The following ABLIM1 variants were observed in gnomAD, a reference collection of about 807,000 sequenced individuals.
The protein encoded by ABLIM1 is actin-binding LIM protein 1.
A neutral mutation model predicts 107.0 loss-of-function variants in ABLIM1; 40 were observed. That is an observed-to-expected ratio of 0.37 (90% CI 0.29 to 0.49). The LOEUF (loss-of-function observed/expected upper bound fraction) is 0.49, where lower values mean the gene tolerates loss of function less well. Ranked by LOEUF, ABLIM1 falls within the 20% of genes least tolerant of loss-of-function variation. ABLIM1 has a pLI of 0.97. For synonymous variants in ABLIM1, 357 were observed against 357.3 expected (o/e 1.00, Z 0.01); for missense variants, 857 against 1,008.5 (o/e 0.85, Z 2.04).
At chr10:114,798,557 C>CCA in the ABLIM1 span, among the ~76,000 whole-genome samples, 4 of 30,014 alleles carry the variant, frequency 1.3e-4, no homozygotes, top group South Asian at 3.7e-3. Context: ...GATGATGAGA[C>CCA]CCCCCCCCCA....
chr10:114,756,049 T>G (rs1331793010), intron 1 of ABLIM1, among the ~76,000 whole-genome samples: 2 of 150,558 alleles, frequency 1.3e-5, no homozygotes, highest in Non-Finnish European at 2.9e-5. Flanking sequence ...AATACTTAAT[T>G]ATTTAATCCA....
intron 17 of ABLIM1, among the ~76,000 whole-genome samples, 198 bp from the exon 18 acceptor site, chr10:114,441,984 A>G (rs2060262098): frequency 6.6e-6 from 1 of 152,114 alleles, no homozygotes; most frequent in African/African-American, 2.4e-5. Context: ...AGGGAAGGGA[A>G]AGTCAAGTCC....
intron 6 of ABLIM1, among the ~76,000 whole-genome samples, chr10:114,530,083 T>C (rs1458245247): frequency 1.3e-5 from 2 of 152,132 alleles, no homozygotes; most frequent in Non-Finnish European, 2.9e-5. Context: ...GTGTTTGAAG[T>C]GATGGAAATG....
At chr10:114,552,405 T>G (rs148100853) in intron 4 of ABLIM1, among the ~76,000 whole-genome samples, 1 of 150,246 alleles carries the variant, frequency 6.7e-6, no homozygotes, top group East Asian at 2.0e-4. Flanking sequence ...ACGTCAGAAG[T>G]AGGTGAATAT....
intron 6 of ABLIM1, among the ~76,000 whole-genome samples, chr10:114,503,880 C>G (rs1432820823): frequency 6.6e-6 from 1 of 152,190 alleles, no homozygotes; most frequent in East Asian, 1.9e-4. Context: ...TTCAATCCTC[C>G]TTTCATCTTC....
intron 1 of ABLIM1, among the ~76,000 whole-genome samples, chr10:114,722,129 T>C (rs76853214): frequency 0.036 from 5,429 of 152,224 alleles, 328 homozygotes; most frequent in African/African-American, 0.12. Context: ...TGATATAGTT[T>C]ATAAGGAAAG....
chr10:114,650,459 G>A (rs911070380), intron 1 of ABLIM1, among the ~76,000 whole-genome samples: 3 of 152,116 alleles, frequency 2.0e-5, no homozygotes, highest in African/African-American at 4.8e-5. Context: ...TAATTAAAAC[G>A]AATGGGGCAT....
At chr10:114,461,338 T>C (rs1181848476) in intron 12 of ABLIM1, among the ~76,000 whole-genome samples, 1 of 151,862 alleles carries the variant, frequency 6.6e-6, no homozygotes, top group Non-Finnish European at 1.5e-5. Context: ...AACCAAAATC[T>C]TAATTTGGCT....
rs540676948 is a variant in ABLIM1 at position 114,749,483 on chromosome 10, C to CACAT, written c.-213+18577_-213+18578insATGT. On this transcript the variant is annotated intron_variant, in intron 1 of 15. Coordinates refer to the ABLIM1 transcript ENST00000651092. ...ACACACACACACACACACACACACA[C>CACAT]ACCACAAAACCCAGAGATCACCAAA... Among the ~76,000 whole-genome samples, 92 of 150,702 alleles carry CACAT rather than the reference C, an allele frequency of 6.1e-4. 3 individuals are homozygous for CACAT. The South Asian group carries it at 0.018, about 30-fold the overall frequency.
chr10:114,732,021 A>G (rs1360743991), intron 1 of ABLIM1, among the ~76,000 whole-genome samples: 1 of 152,152 alleles, frequency 6.6e-6, no homozygotes, highest in African/African-American at 2.4e-5. Context: ...CTAAAGTGGC[A>G]CACTATTTTA....
chr10:114,460,620 A>C (rs912433252), intron 12 of ABLIM1, among the ~76,000 whole-genome samples: 7 of 152,128 alleles, frequency 4.6e-5, no homozygotes, highest in Admixed American at 2.0e-4. Flanking sequence ...AAAAAAAAGC[A>C]ATTTAAGAGC....
chr10:114,795,665 C>G, the ABLIM1 span, among the ~76,000 whole-genome samples: 1 of 149,924 alleles, frequency 6.7e-6, no homozygotes, highest in African/African-American at 2.5e-5. Flanking sequence ...GCTGAGATCA[C>G]ACCATTGTAC....
At chr10:114,768,009 C>A (rs879847147) in intron 1 of ABLIM1, 12 of 425,576 alleles carry the variant, frequency 2.8e-5, no homozygotes, top group South Asian at 2.0e-4. Context: ...CCCTCCCGCA[C>A]CTGTTCGGCC....
At chr10:114,732,473 C>G (rs1197525652) in intron 1 of ABLIM1, among the ~76,000 whole-genome samples, 1 of 151,490 alleles carries the variant, frequency 6.6e-6, no homozygotes, top group Non-Finnish European at 1.5e-5. Context: ...AAAAATAGAC[C>G]CTTATCAGAT....
At chr10:114,550,471 C>T (rs920783540) in intron 4 of ABLIM1, among the ~76,000 whole-genome samples, 1 of 151,968 alleles carries the variant, frequency 6.6e-6, no homozygotes, top group Non-Finnish European at 1.5e-5. Context: ...AACCCCAGTC[C>T]CTCCCCGTGC....
At chr10:114,548,202 T>C (rs2137674459) in intron 4 of ABLIM1, among the ~76,000 whole-genome samples, 1 of 152,330 alleles carries the variant, frequency 6.6e-6, no homozygotes, top group Non-Finnish European at 1.5e-5. Context: ...ACTATATACG[T>C]GATTACTCCT....
chr10:114,487,107 G>A (rs1476295194), intron 8 of ABLIM1, among the ~76,000 whole-genome samples: 1 of 152,200 alleles, frequency 6.6e-6, no homozygotes, highest in Non-Finnish European at 1.5e-5. Context: ...TGCTGCTGGG[G>A]ATTGCATACA....
intron 6 of ABLIM1, among the ~76,000 whole-genome samples, chr10:114,539,433 T>C (rs1490105434): frequency 3.3e-5 from 5 of 152,166 alleles, no homozygotes; most frequent in Non-Finnish European, 7.4e-5. Flanking sequence ...AGATTCCATA[T>C]CTTAAGAAAG....
chr10:114,760,307 C>T (rs1339824986), intron 1 of ABLIM1, among the ~76,000 whole-genome samples: 1 of 151,736 alleles, frequency 6.6e-6, no homozygotes, highest in Non-Finnish European at 1.5e-5. Context: ...AGAGAAAAAG[C>T]ATATCTTTTC....
Sources: allele counts gnomAD v4.1 joint callset (sites outside exome capture counted in the v4.1 genomes callset), GRCh38; gene constraint gnomAD v4.1.1; transcripts MANE v1.5; gene names NCBI Gene and HGNC (gene_info 2026-07-23, HGNC 2026-07-21).